The following MSTO1 variants were observed in gnomAD, a reference collection of about 807,000 sequenced individuals.
MSTO1 encodes the protein misato mitochondrial distribution and morphology regulator 1, also known as protein misato homolog 1.
In MSTO1, 24 loss-of-function variants were observed where a neutral mutation model predicts 55.7. The ratio of observed to expected loss-of-function variants is 0.43; its 90% CI spans 0.31 to 0.61. The LOEUF (loss-of-function observed/expected upper bound fraction) is 0.61, where lower values mean the gene tolerates loss of function less well. MSTO1 is among the 20% of genes least tolerant of loss of function. The pLI, the probability that MSTO1 is intolerant of heterozygous loss-of-function variation, is 0.09. For missense variants in MSTO1, 363 were observed against 625.7 expected, an observed-to-expected ratio of 0.58 and a Z score of 4.48; for synonymous variants, 162 against 252.8, an observed-to-expected ratio of 0.64 and a Z score of 3.41.
the MSTO1 span, among the ~76,000 whole-genome samples, chr1:155,587,269 C>T: frequency 6.6e-6 from 1 of 151,514 alleles, no homozygotes; most frequent in African/African-American, 2.4e-5. Context: ...GGGGAAACCC[C>T]GTCTCTACTA....
chr1:155,594,757 T>G, the MSTO1 span, among the ~76,000 whole-genome samples: 1 of 152,094 alleles, frequency 6.6e-6, no homozygotes. Context: ...GGCTCCCAAG[T>G]TTTTTGATTA....
chr1:155,576,947 G>A, the MSTO1 span, among the ~76,000 whole-genome samples: 4 of 142,472 alleles, frequency 2.8e-5, no homozygotes, highest in South Asian at 2.3e-4. Flanking sequence ...CCCGGGAGGC[G>A]GAGGTTGCAG....
At chr1:155,582,847 T>C in the MSTO1 span, among the ~76,000 whole-genome samples, 12 of 152,014 alleles carry the variant, frequency 7.9e-5, no homozygotes, top group Admixed American at 3.3e-4. Context: ...CTTTCTCTCC[T>C]TACCCACCTA....
the MSTO1 span, among the ~76,000 whole-genome samples, chr1:155,602,411 G>A: frequency 6.6e-6 from 1 of 152,224 alleles, no homozygotes. Context: ...AGGAGGCAGA[G>A]GTTGCGGTGA....
chr1:155,600,559 T>TC, the MSTO1 span, among the ~76,000 whole-genome samples: 1 of 152,010 alleles, frequency 6.6e-6, no homozygotes, highest in African/African-American at 2.4e-5. Flanking sequence ...TTTCTTTCTT[T>TC]TTTTTTGAGA....
the MSTO1 span, among the ~76,000 whole-genome samples, chr1:155,565,139 C>A: frequency 1.3e-5 from 2 of 149,440 alleles, no homozygotes; most frequent in East Asian, 3.9e-4. Flanking sequence ...AAAAAAAATC[C>A]AAAAAAAATC....
the MSTO1 span, among the ~76,000 whole-genome samples, chr1:155,580,334 T>C: frequency 6.6e-6 from 1 of 151,590 alleles, no homozygotes; most frequent in East Asian, 2.0e-4. Flanking sequence ...GAGACCAGAC[T>C]GGGCAACATA....
At chr1:155,570,743 A>G in the MSTO1 span, among the ~76,000 whole-genome samples, 1 of 152,074 alleles carries the variant, frequency 6.6e-6, no homozygotes, top group Non-Finnish European at 1.5e-5. Context: ...GATTATAGGT[A>G]TATACCTATA....
the MSTO1 span, chr1:155,602,052 C>A: frequency 1.4e-4 from 87 of 626,350 alleles, no homozygotes; most frequent in Admixed American, 1.2e-3. Context: ...CCGCGCCCGG[C>A]CTCTTCTGCC....
At chr1:155,589,867 A>C in the MSTO1 span, among the ~76,000 whole-genome samples, 1 of 151,440 alleles carries the variant, frequency 6.6e-6, no homozygotes, top group African/African-American at 2.4e-5. Flanking sequence ...TCAAATGTTA[A>C]TCTCCTTTGG....
At chr1:155,609,619 T>C (rs1673407621), upstream of MSTO1, among the ~76,000 whole-genome samples, 1 of 152,092 alleles carries the variant, frequency 6.6e-6, no homozygotes. Context: ...TGAAAATGAA[T>C]TATAGATATT....
At chr1:155,609,412 A>T (rs1307860263), upstream of MSTO1, among the ~76,000 whole-genome samples, 6 of 148,600 alleles carry the variant, frequency 4.0e-5, no homozygotes, top group Non-Finnish European at 7.5e-5. Context: ...CGCCCAGCTA[A>T]TTTTTTTTTG....
the MSTO1 span, among the ~76,000 whole-genome samples, chr1:155,584,691 A>AAAAAAAAAAAAAAAAAG: frequency 9.7e-4 from 73 of 75,606 alleles, 5 homozygotes; most frequent in African/African-American, 1.1e-3. Flanking sequence ...AAAAAAAAAA[A>AAAAAAAAAAAAAAAAAG]AAAGAAAGAA....
chr1:155,613,336 C>G, intron 11 of MSTO1, 103 bp downstream of exon 11: 1 of 1,569,866 alleles, frequency 6.4e-7, no homozygotes, highest in Non-Finnish European at 8.6e-7. Flanking sequence ...CCCTCCCCAC[C>G]CCTTAAAAAG....
the MSTO1 span, chr1:155,586,604 A>G: frequency 2.2e-6 from 1 of 454,406 alleles, no homozygotes; most frequent in South Asian, 1.7e-5. Flanking sequence ...CATGTTGCAA[A>G]TATTTTTTCC....
the MSTO1 span, among the ~76,000 whole-genome samples, chr1:155,587,600 CG>C: frequency 6.6e-6 from 1 of 151,268 alleles, no homozygotes; most frequent in African/African-American, 2.4e-5. Context: ...AAAAATTAGC[CG>C]GGCGTGGTGG....
At chr1:155,604,214 T>A in the MSTO1 span, among the ~76,000 whole-genome samples, 1 of 152,230 alleles carries the variant, frequency 6.6e-6, no homozygotes, top group Non-Finnish European at 1.5e-5. Flanking sequence ...ATAGAAGTTA[T>A]ACGGAGTGGA....
chr1:155,612,628 C>T, intron 9 of MSTO1, 58 bp downstream of exon 9: 1 of 1,545,634 alleles, frequency 6.5e-7, no homozygotes, highest in Non-Finnish European at 8.7e-7. Flanking sequence ...CTCATGCTCC[C>T]AGTCAGCCGC....
chr1:155,576,457 G>T, the MSTO1 span, among the ~76,000 whole-genome samples: 6 of 151,814 alleles, frequency 4.0e-5, no homozygotes, highest in Non-Finnish European at 7.4e-5. Flanking sequence ...CTCCTGAGTA[G>T]CTGGGACTAC....
Sources: allele counts gnomAD v4.1 joint callset (sites outside exome capture counted in the v4.1 genomes callset), GRCh38; gene constraint gnomAD v4.1.1; transcripts MANE v1.5; gene names NCBI Gene and HGNC (gene_info 2026-07-23, HGNC 2026-07-21).